PDE6A: variants seen among roughly 807,000 people sequenced by gnomAD.
PDE6A encodes the protein rod cGMP-specific 3',5'-cyclic phosphodiesterase subunit alpha.
A neutral mutation model predicts 106.3 loss-of-function variants in PDE6A; 84 were observed. That is an observed-to-expected ratio of 0.79 (90% CI 0.66 to 0.95). The LOEUF (loss-of-function observed/expected upper bound fraction) is 0.95, where lower values mean the gene tolerates loss of function less well. Ranked by LOEUF, PDE6A falls within the 40% of genes least tolerant of loss-of-function variation. The pLI, the probability that PDE6A is intolerant of heterozygous loss-of-function variation, is 0.00. For missense variants in PDE6A, 1,052 were observed against 1,084.9 expected (o/e 0.97, Z 0.43); for synonymous variants, 394 against 386.6 (o/e 1.02, Z -0.23).
Position 149,932,553 on chromosome 5 carries a change from C to A in PDE6A, c.717+1377G>T, listed in dbSNP as rs1360148675. 6.8e-6 allele frequency: 10 copies of A among 1,462,196 alleles called. No individual in the cohort carries two copies. The African/African-American group carries it at 8.4e-5, about 12-fold the overall frequency. The allele number at this position is 1,462,196 out of a possible 1,614,324, so 90.6% of individuals were successfully genotyped here. A position where few individuals can be genotyped will look rare whatever the true frequency, so the allele number is the denominator to read the frequency against. ...AGCATTTGGAACTCCTTTTTGGAAT[C>A]CCTGTTCCAGGTTGGCGTTTGGCGG... On this transcript the variant is annotated intron_variant, in intron 3 of 21. Transcript: ENST00000255266.
intron 7 of PDE6A, among the ~76,000 whole-genome samples, chr5:149,906,019 G>A (rs1410282238): frequency 6.6e-6 from 1 of 151,902 alleles, no homozygotes; most frequent in Non-Finnish European, 1.5e-5. Context: ...CACCATGCCT[G>A]GCTAATTTTT....
Position 149,934,002 on chromosome 5 carries a change from G to A in PDE6A, c.645C>T (p.Leu215=). 2 of 1,609,472 alleles carry A rather than the reference G, an allele frequency of 1.2e-6. No homozygotes were observed. Among genetic ancestry groups the A allele is most frequent in the Non-Finnish European group, 1.7e-6 (2 of 1,175,892 alleles). ...KRDEEILLKY[L]NFANLIMKVY... is the part of the protein sequence containing the mutation. ...CCTTCATGATTAGATTTGCAAAATT[G>A]AGGTACTTGAGAAGAATCTAAAAAT... The change falls in exon 3 of 22, where the codon CTC becomes CTT. Residue 215 remains leucine, a synonymous_variant. Transcript: ENST00000255266.
At chr5:149,919,242 C>T (rs574690677) in intron 5 of PDE6A, among the ~76,000 whole-genome samples, 8 of 152,060 alleles carry the variant, frequency 5.3e-5, no homozygotes, top group African/African-American at 1.9e-4. Flanking sequence ...TGCGGTGGCT[C>T]GCGCCTGTAA....
At chr5:149,915,308 C>CA (rs1051985431) in intron 5 of PDE6A, among the ~76,000 whole-genome samples, 14 of 152,090 alleles carry the variant, frequency 9.2e-5, no homozygotes, top group African/African-American at 3.4e-4. Context: ...TGCACCCAGC[C>CA]AAAAAATTAT....
Position 149,860,653 on chromosome 5 carries a change from A to C in PDE6A, c.*242T>G. Reference sequence around the variant, plus strand: ...CATTATGAAATTTTTTTTTTTGGCGATTTTTTTTTTTAAGTTCAACAGCTA... The same window carrying C: ...CATTATGAAATTTTTTTTTTTGGCGCTTTTTTTTTTTAAGTTCAACAGCTA... On this transcript the variant is annotated 3_prime_UTR_variant, in exon 22 of 22. Coordinates refer to ENST00000255266, the MANE Select transcript of PDE6A (RefSeq NM_000440.3). 3.0e-6 allele frequency: 1 copy of C among 335,548 alleles called. No individual in the cohort carries two copies. The highest frequency in any genetic ancestry group is 8.0e-5 in the South Asian group (1 of 12,466). The allele number at this position is 335,548 out of a possible 1,614,324, so 20.8% of individuals were successfully genotyped here.
At chr5:149,936,651 C>T (rs1055474191) in intron 1 of PDE6A, among the ~76,000 whole-genome samples, 5 of 152,188 alleles carry the variant, frequency 3.3e-5, no homozygotes, top group African/African-American at 1.2e-4. Flanking sequence ...CTGGCATTTA[C>T]ATGATCATTA....
chr5:149,869,855 TGA>T (rs1760473626), intron 17 of PDE6A, among the ~76,000 whole-genome samples: 1 of 150,202 alleles, frequency 6.7e-6, no homozygotes, highest in Admixed American at 6.6e-5. Context: ...GAGGGAGGAG[TGA>T]GAGAAGGCTG....
At chr5:149,925,389 A>G (rs78858956) in intron 4 of PDE6A, among the ~76,000 whole-genome samples, 1 of 152,236 alleles carries the variant, frequency 6.6e-6, no homozygotes, top group African/African-American at 2.4e-5. Flanking sequence ...AAAACTCAAT[A>G]GTTTAACAGT....
At chr5:149,897,885 C>A (rs578187485) in intron 10 of PDE6A, among the ~76,000 whole-genome samples, 15 of 152,272 alleles carry the variant, frequency 9.9e-5, no homozygotes, top group African/African-American at 3.6e-4. Context: ...CTGCACCCAA[C>A]TTAATAGGGT....
At chr5:149,917,191 TAG>T (rs1326124020) in intron 5 of PDE6A, among the ~76,000 whole-genome samples, 2 of 152,088 alleles carry the variant, frequency 1.3e-5, no homozygotes, top group Non-Finnish European at 2.9e-5. Flanking sequence ...TTTTTAAAAG[TAG>T]CAATCAAAAC....
chr5:149,897,970 C>T (rs374015593), intron 10 of PDE6A, among the ~76,000 whole-genome samples: 2 of 152,190 alleles, frequency 1.3e-5, no homozygotes, highest in East Asian at 3.8e-4. Flanking sequence ...CCAGATAAAG[C>T]TTCCTCTCAG....
intron 10 of PDE6A, among the ~76,000 whole-genome samples, chr5:149,897,892 G>C (rs952770262): frequency 3.3e-5 from 5 of 152,076 alleles, no homozygotes; most frequent in Non-Finnish European, 7.4e-5. Flanking sequence ...CAACTTAATA[G>C]GGTCTTTTAA....
chr5:149,860,675 G>T lies in PDE6A; in HGVS notation c.*220C>A. Reference sequence around the variant, plus strand: ...GCGATTTTTTTTTTTAAGTTCAACAGCTATCATTAGTGTTACTGTATTTTA... The same window carrying T: ...GCGATTTTTTTTTTTAAGTTCAACATCTATCATTAGTGTTACTGTATTTTA... On this transcript the variant is annotated 3_prime_UTR_variant, in exon 22 of 22. Transcript: ENST00000255266. 2 of 416,896 alleles carry T rather than the reference G, an allele frequency of 4.8e-6. No homozygotes were observed. Among genetic ancestry groups the T allele is most frequent in the South Asian group, 1.4e-4 (2 of 14,720 alleles). The allele number at this position is 416,896 out of a possible 1,614,324, so 25.8% of individuals were successfully genotyped here. A position where few individuals can be genotyped will look rare whatever the true frequency, so the allele number is the denominator to read the frequency against.
intron 3 of PDE6A, chr5:149,932,031 C>A: frequency 6.6e-7 from 1 of 1,505,680 alleles, no homozygotes. Flanking sequence ...CCAGAGCCAG[C>A]TATTAAGCAG....
chr5:149,899,567 C>T, intron 8 of PDE6A, 43 bp from the exon 9 acceptor site: 2 of 1,597,268 alleles, frequency 1.3e-6, no homozygotes, highest in Non-Finnish European at 1.7e-6. Flanking sequence ...TGTTTCAGGC[C>T]ACAGAGGCAA....
chr5:149,901,731 G>T (rs972450307), intron 8 of PDE6A, among the ~76,000 whole-genome samples: 1 of 152,228 alleles, frequency 6.6e-6, no homozygotes, highest in Non-Finnish European at 1.5e-5. Context: ...CCCTCAGCAA[G>T]TCTTCAGGCT....
chr5:149,892,496 T>TC (rs1351941521), intron 13 of PDE6A, among the ~76,000 whole-genome samples: 1 of 148,888 alleles, frequency 6.7e-6, no homozygotes, highest in East Asian at 1.9e-4. Flanking sequence ...TTCTTTCCTT[T>TC]TTTTTTTTTT....
At chr5:149,903,583 T>C (rs1753066165) in intron 8 of PDE6A, 65 bp downstream of exon 8, 2 of 1,241,660 alleles carry the variant, frequency 1.6e-6, no homozygotes, top group Non-Finnish European at 2.4e-6. Context: ...TTCTAATGTA[T>C]TCTAATGCTC....
intron 7 of PDE6A, among the ~76,000 whole-genome samples, chr5:149,905,496 C>T (rs1213720734): frequency 6.6e-6 from 1 of 152,160 alleles, no homozygotes; most frequent in Non-Finnish European, 1.5e-5. Context: ...AGCATGATGA[C>T]AGCACTATCT....
Sources: gnomAD v4.1 joint callset for allele counts (sites outside exome capture counted in the v4.1 genomes callset) on GRCh38, gnomAD v4.1.1 for gene constraint, MANE v1.5 for transcripts, NCBI Gene and HGNC (gene_info 2026-07-23, HGNC 2026-07-21) for gene names.